The following TOR1AIP1 variants were observed in gnomAD, a reference collection of about 807,000 sequenced individuals.
TOR1AIP1 encodes the protein torsin-1A-interacting protein 1.
TOR1AIP1 carries 54 observed loss-of-function variants against 63.3 expected under a neutral mutation model. The observed-to-expected ratio is 0.85, with a 90% CI of 0.69 to 1.07. TOR1AIP1 has a LOEUF of 1.07. Among genes scored for constraint, TOR1AIP1 ranks in the 50% least tolerant of loss-of-function variants. The probability of loss-of-function intolerance (pLI) is 0.00; values close to 1 mark genes in which losing one functional copy is unlikely to be tolerated. For synonymous variants in TOR1AIP1, 294 were observed against 273.5 expected, an observed-to-expected ratio of 1.07 and a Z score of -0.74; for missense variants, 736 against 715.0, an observed-to-expected ratio of 1.03 and a Z score of -0.33.
chr1:179,887,979 C>G (rs1647958169), intron 2 of TOR1AIP1: 2 of 152,158 alleles, frequency 1.3e-5, no homozygotes, highest in Non-Finnish European at 2.9e-5. Context: ...ATTTTGTTCT[C>G]TCATACCTCT....
intron 5 of TOR1AIP1, among the ~76,000 whole-genome samples, chr1:179,903,313 C>T (rs2148477851): frequency 6.6e-6 from 1 of 152,130 alleles, no homozygotes; most frequent in South Asian, 2.1e-4. Context: ...ATATTGCCCA[C>T]TTGCAATAAA....
In TOR1AIP1 at chr1:179,917,743, A is replaced by T; in HGVS notation, c.1256A>T (p.Glu419Val). The change falls in exon 10 of 10, where the codon GAA becomes GTA. Residue 419 changes from glutamate (E) to valine (V), a missense_variant. By Grantham distance (121) the Glu-to-Val change is moderately radical (BLOSUM62 -2). Transcript: ENST00000606911. ...ILLLTAARDA[E>V]EALRCLSEQI... ...CTGCTCACTGCTGCCCGAGATGCTG[A>T]AGAAGCACTTAGGTGTCTGAGTGAA... The T allele has an allele frequency of 6.2e-7, 1 of 1,614,204 alleles. No homozygotes were observed. The highest frequency in any genetic ancestry group is 1.1e-5 in the South Asian group (1 of 91,084).
chr1:179,915,631 A>C (rs1048253061), intron 9 of TOR1AIP1, among the ~76,000 whole-genome samples: 2 of 152,128 alleles, frequency 1.3e-5, no homozygotes, highest in African/African-American at 4.8e-5. Flanking sequence ...GGTGGCACGC[A>C]CCTGTAATCC....
intron 1 of TOR1AIP1, chr1:179,883,630 A>G (rs931371674): frequency 9.2e-5 from 42 of 456,210 alleles, no homozygotes; most frequent in Non-Finnish European, 1.6e-4. Context: ...GGTCCCTGCC[A>G]AAAATCTGCC....
intron 8 of TOR1AIP1, 45 bp from the exon 9 acceptor site, chr1:179,913,953 A>G (rs1279259660): frequency 6.6e-7 from 1 of 1,526,672 alleles, no homozygotes; most frequent in African/African-American, 1.4e-5. Flanking sequence ...TACTCAAATT[A>G]TGAAGCATAA....
intron 5 of TOR1AIP1, among the ~76,000 whole-genome samples, chr1:179,903,473 T>C (rs148569751): frequency 6.6e-6 from 1 of 152,254 alleles, no homozygotes; most frequent in East Asian, 1.9e-4. Context: ...TTAGCTAATA[T>C]TTTAGATGTG....
intron 2 of TOR1AIP1, 124 bp from the exon 3 acceptor site, chr1:179,889,189 C>T: frequency 1.6e-6 from 1 of 626,986 alleles, no homozygotes; most frequent in Non-Finnish European, 2.5e-6. Context: ...CTTGTCTCTA[C>T]TTCTCTAGCG....
Position 179,918,138 on chromosome 1 carries a change from C to G in TOR1AIP1, c.1651C>G (p.His551Asp), listed in dbSNP as rs756853004. The change falls in exon 10 of 10, where the codon CAT (histidine) becomes GAT (aspartate). Residue 551 changes from histidine (H) to aspartate (D), a missense_variant. By Grantham distance (81) the His-to-Asp change is moderately conservative. Coordinates refer to ENST00000606911, the MANE Select transcript of TOR1AIP1 (RefSeq NM_015602.4). ...TNSNTPNSYN[H>D]MDPDKLNGLW... is the part of the protein sequence containing the mutation. ...TTCTAACACACCCAACTCCTACAAT[C>G]ATATGGACCCAGACAAACTGAATGG... is the stretch of plus-strand genomic sequence containing the variant. The G allele has an allele frequency of 1.7e-5, 28 of 1,613,672 alleles. 1 individual carries two copies. Among genetic ancestry groups the G allele is most frequent in the South Asian group, 7.7e-5 (7 of 91,078 alleles).
chr1:179,894,713 A>G (rs949514057), intron 3 of TOR1AIP1, among the ~76,000 whole-genome samples: 10 of 152,154 alleles, frequency 6.6e-5, no homozygotes, highest in African/African-American at 2.2e-4. Context: ...GAAGGAAGCA[A>G]TGACTCCTGT....
At chr1:179,900,443 G>A in intron 4 of TOR1AIP1, 1 of 239,380 alleles carries the variant, frequency 4.2e-6, no homozygotes, top group Non-Finnish European at 8.2e-6. Context: ...GCCTAAAGAG[G>A]GGTGAATCCA....
In TOR1AIP1 at chr1:179,884,768, A is replaced by C. The variant is rs1423951569; in HGVS notation, c.552A>C (p.Pro184=). 1.3e-6 allele frequency: 2 copies of C among 1,597,828 alleles called. No individual in the cohort carries two copies. The highest frequency in any genetic ancestry group is 8.5e-7 in the Non-Finnish European group (1 of 1,175,044). Reference sequence around the variant, plus strand: ...CTGTCAGGAGCATACAAGAGGCTCCAGGTAAGAATAGTTAACTTTTTGTTT... The same window carrying C: ...CTGTCAGGAGCATACAAGAGGCTCCCGGTAAGAATAGTTAACTTTTTGTTT... ...KKTVRSIQEA[P]VSEDLVIRLR... is the part of the protein sequence containing the mutation. The change falls in exon 2 of 10, where the codon CCA becomes CCC. Residue 184 remains proline (P), a splice_region_variant and synonymous_variant. Coordinates refer to ENST00000606911, the MANE Select transcript of TOR1AIP1 (RefSeq NM_015602.4).
At chr1:179,894,512 C>A (rs754164997) in intron 3 of TOR1AIP1, among the ~76,000 whole-genome samples, 14 of 151,962 alleles carry the variant, frequency 9.2e-5, no homozygotes, top group Non-Finnish European at 2.1e-4. Context: ...CATGGTGAAA[C>A]CCTATCTCTA....
chr1:179,901,410 A>G, intron 5 of TOR1AIP1, 22 bp downstream of exon 5: 1 of 1,453,910 alleles, frequency 6.9e-7, no homozygotes. Flanking sequence ...TTATATACAT[A>G]TGACTCTTCT....
At chr1:179,907,611 ATATATATG>A (rs1462196530) in intron 6 of TOR1AIP1, among the ~76,000 whole-genome samples, 22 of 23,116 alleles carry the variant, frequency 9.5e-4, no homozygotes, top group African/African-American at 1.8e-3. Flanking sequence ...ATATATATAT[ATATATATG>A]TATATATATG....
chr1:179,894,168 G>A (rs1043953057), intron 3 of TOR1AIP1, among the ~76,000 whole-genome samples: 6 of 150,094 alleles, frequency 4.0e-5, no homozygotes, highest in Non-Finnish European at 5.9e-5. Context: ...GGAGAATGGC[G>A]TGAACCCGGA....
At chr1:179,907,605 ATATATATATATATG>A (rs1425694427) in intron 6 of TOR1AIP1, among the ~76,000 whole-genome samples, 1 of 23,072 alleles carries the variant, frequency 4.3e-5, no homozygotes, top group Admixed American at 6.8e-4. Context: ...ATATATATAT[ATATATATATATATG>A]TATATATATG....
intron 3 of TOR1AIP1, among the ~76,000 whole-genome samples, chr1:179,889,844 G>A (rs1648015516): frequency 6.6e-6 from 1 of 151,804 alleles, no homozygotes; most frequent in Non-Finnish European, 1.5e-5. Context: ...GTAGAGATGG[G>A]GTTTTGCCAT....
At chr1:179,896,649 A>G (rs776790421) in intron 3 of TOR1AIP1, among the ~76,000 whole-genome samples, 24 of 152,270 alleles carry the variant, frequency 1.6e-4, no homozygotes, top group Admixed American at 9.8e-4. Context: ...TGAGTTGGAA[A>G]TGACATTTGG....
chr1:179,913,085 A>G (rs530668303), intron 8 of TOR1AIP1, among the ~76,000 whole-genome samples: 2 of 152,164 alleles, frequency 1.3e-5, no homozygotes, highest in African/African-American at 4.8e-5. Flanking sequence ...ATGGAAGGGA[A>G]AGGGAAGGGT....
Sources: allele counts gnomAD v4.1 joint callset (sites outside exome capture counted in the v4.1 genomes callset), GRCh38; gene constraint gnomAD v4.1.1; transcripts MANE v1.5; gene names NCBI Gene and HGNC (gene_info 2026-07-23, HGNC 2026-07-21).